USH1C: variants seen among roughly 807,000 people sequenced by gnomAD.
USH1C encodes the protein USH1 protein network component harmonin, also known as harmonin.
In USH1C, 90 loss-of-function variants were observed where a neutral mutation model predicts 119.3. The ratio of observed to expected loss-of-function variants is 0.75; its 90% CI spans 0.64 to 0.90. The LOEUF is 0.90. Ranked by LOEUF, USH1C falls within the 40% of genes least tolerant of loss-of-function variation. The pLI is 0.00. For missense variants in USH1C, 1,165 were observed against 1,167.7 expected (o/e 1.00, Z 0.03); for synonymous variants, 465 against 443.3 (o/e 1.05, Z -0.62).
At position 17,531,678 on chromosome 11, in the gene USH1C, G is replaced by A; in HGVS notation, c.105-136C>T. ...GTAGACCACTCCTGAAAAGCCCAGA[G>A]CTCTTCACACCGGGCCAGTGCCTGA... On this transcript the variant is annotated intron_variant, in intron 2 of 26. Coordinates refer to ENST00000005226, the MANE Select transcript of USH1C (RefSeq NM_153676.4). The surrounding 1 kb of genome is among the most constrained non-coding windows in gnomAD (Gnocchi z 4.2). The A allele has an allele frequency of 8.6e-7, 1 of 1,156,994 alleles. No homozygotes were observed. The highest frequency in any genetic ancestry group is 1.3e-5 in the South Asian group (1 of 74,212). 71.7% of individuals were successfully genotyped at this position (1,156,994 alleles called of 1,614,324 possible).
chr11:17,517,035 G>C (rs1012804176), intron 14 of USH1C, among the ~76,000 whole-genome samples: 1 of 152,164 alleles, frequency 6.6e-6, no homozygotes, highest in Non-Finnish European at 1.5e-5. Flanking sequence ...GCTGGAACAG[G>C]ATGCTGAAAG....
At chr11:17,518,394 A>C (rs1480598456) in intron 14 of USH1C, among the ~76,000 whole-genome samples, 1 of 152,204 alleles carries the variant, frequency 6.6e-6, no homozygotes, top group Non-Finnish European at 1.5e-5. Context: ...AGAAGGTTGG[A>C]GATGTCCTAT....
chr11:17,526,483 C>T (rs1313333812), intron 7 of USH1C, 42 bp from the exon 8 acceptor site: 19 of 1,563,826 alleles, frequency 1.2e-5, no homozygotes, highest in Non-Finnish European at 1.7e-5. Context: ...TGTCCACATG[C>T]GTGCAAGCGG....
At chr11:17,522,738 G>A (rs1328512696) in intron 12 of USH1C, 46 bp downstream of exon 12, 2 of 1,612,930 alleles carry the variant, frequency 1.2e-6, no homozygotes, top group Non-Finnish European at 1.7e-6. Context: ...GGGTCGTGTG[G>A]TGGGGTGGGA....
rs2133898757 is a variant in USH1C at position 17,527,129 on chromosome 11, CCCTCCCTCCCA to C, written c.496+83_497-90del. 72 of 952,384 alleles carry C rather than the reference CCCTCCCTCCCA, an allele frequency of 7.6e-5. No individual in the cohort carries two copies. In the East Asian group the frequency reaches 5.2e-3, roughly 68 times the overall value. 59.0% of individuals were successfully genotyped at this position (952,384 alleles called of 1,614,324 possible). On this transcript the variant is annotated intron_variant, in intron 5 of 26. Transcript: ENST00000005226. ...GAGTACTGACCTGCTCCCCCGCCCT[CCCTCCCTCCCA>C]CCGTCATGGAGTACTGCCCTGCTCC... is the stretch of plus-strand genomic sequence containing the variant.
chr11:17,520,672 C>A (rs755741979), intron 14 of USH1C, among the ~76,000 whole-genome samples, 198 bp downstream of exon 14: 1 of 152,192 alleles, frequency 6.6e-6, no homozygotes, highest in African/African-American at 2.4e-5. Flanking sequence ...GGAGCTGGCC[C>A]GTGAACAAGG....
At position 17,544,378 on chromosome 11, in the gene USH1C, A is replaced by C. The variant is rs571065113; in HGVS notation, c.-71T>G. On this transcript the variant is annotated 5_prime_UTR_variant, in exon 1 of 27. Transcript: ENST00000005226. Reference sequence around the variant, plus strand: ...GGTGCCCGGCTGCCAGGAGCTGGAAAGAGCCGCGACCGCGACCGGGCCAGC... The same window carrying C: ...GGTGCCCGGCTGCCAGGAGCTGGAACGAGCCGCGACCGCGACCGGGCCAGC... 275 of 1,609,928 alleles carry C rather than the reference A, an allele frequency of 1.7e-4. No homozygotes were observed. The African/African-American group carries it at 3.1e-3, about 18-fold the overall frequency.
chr11:17,495,796 C>T, intron 25 of USH1C, 119 bp from the exon 26 acceptor site: 1 of 1,100,690 alleles, frequency 9.1e-7, no homozygotes. Context: ...CCCCTGGGTT[C>T]CAGAATTAGG....
chr11:17,516,374 C>T, intron 14 of USH1C, 84 bp from the exon 15 acceptor site: 1 of 1,342,744 alleles, frequency 7.4e-7, no homozygotes, highest in Non-Finnish European at 1.1e-6. Flanking sequence ...GCTGGGTTCC[C>T]AAGGAATGCA....
intron 10 of USH1C, 70 bp downstream of exon 10, chr11:17,523,349 A>G: frequency 3.1e-6 from 5 of 1,613,054 alleles, no homozygotes; most frequent in Non-Finnish European, 4.2e-6. Context: ...CCCAGGCTCC[A>G]GGGTGGTGGG....
intron 24 of USH1C, 112 bp downstream of exon 24, chr11:17,498,050 A>G: frequency 1.1e-6 from 1 of 893,350 alleles, no homozygotes; most frequent in Non-Finnish European, 1.8e-6. Context: ...TGTTGCCTGG[A>G]CTCCAGATGC....
At chr11:17,498,325 G>A in intron 23 of USH1C, 54 bp from the exon 24 acceptor site, 1 of 1,552,804 alleles carries the variant, frequency 6.4e-7, no homozygotes, top group South Asian at 1.1e-5. Context: ...CACGTGCCTG[G>A]CCCAGGGCTT....
chr11:17,499,967 G>C (rs990615016), intron 23 of USH1C, among the ~76,000 whole-genome samples: 2 of 152,158 alleles, frequency 1.3e-5, no homozygotes, highest in South Asian at 4.1e-4. Context: ...GAGGCCTGGG[G>C]CTCCTCCTCC....
At chr11:17,534,135 G>A (rs1851128500) in intron 1 of USH1C, among the ~76,000 whole-genome samples, 1 of 152,274 alleles carries the variant, frequency 6.6e-6, no homozygotes, top group Non-Finnish European at 1.5e-5. Context: ...ACGGGTAACA[G>A]AGCAAGGTGG....
chr11:17,503,903 T>C (rs994028326), intron 20 of USH1C, among the ~76,000 whole-genome samples: 1 of 152,224 alleles, frequency 6.6e-6, no homozygotes, highest in Non-Finnish European at 1.5e-5. Context: ...CACTGCACAG[T>C]TGATACTGCC....
chr11:17,496,483 C>A (rs1460062765), intron 25 of USH1C, among the ~76,000 whole-genome samples: 1 of 152,166 alleles, frequency 6.6e-6, no homozygotes, highest in East Asian at 1.9e-4. Context: ...GTCTTTTTCC[C>A]AACGTCTCTG....
At chr11:17,533,498 CT>C (rs765742843) in intron 1 of USH1C, 176 bp from the exon 2 acceptor site, 35 of 671,334 alleles carry the variant, frequency 5.2e-5, no homozygotes, top group Non-Finnish European at 9.2e-5. Flanking sequence ...TGCATCAGAC[CT>C]ATGCAGACCA....
At chr11:17,526,841 G>T (rs1850701692) in intron 6 of USH1C, 31 bp from the exon 7 acceptor site, 1 of 1,601,030 alleles carries the variant, frequency 6.2e-7, no homozygotes, top group African/African-American at 1.4e-5. Flanking sequence ...ATGGGAGGGT[G>T]GTTAGCGAGA....
At chr11:17,526,981 G>A (rs1174697182) in intron 6 of USH1C, 35 bp downstream of exon 6, 12 of 1,563,048 alleles carry the variant, frequency 7.7e-6, no homozygotes, top group Admixed American at 3.8e-5. Context: ...TGGGCCCACA[G>A]GGAAGAGTTG....
Sources: allele counts gnomAD v4.1 joint callset (sites outside exome capture counted in the v4.1 genomes callset), GRCh38; gene constraint gnomAD v4.1.1; non-coding constraint Gnocchi (gnomAD v3.1); transcripts MANE v1.5; gene names NCBI Gene and HGNC (gene_info 2026-07-23, HGNC 2026-07-21).